AIG1: variants seen among roughly 807,000 people sequenced by gnomAD.
The protein encoded by AIG1 is androgen-induced gene 1 protein.
In AIG1, 23 loss-of-function variants were observed where a neutral mutation model predicts 31.4. The observed-to-expected ratio is 0.73, with a 90% CI of 0.53 to 1.04. AIG1 has a LOEUF of 1.04. AIG1 is among the 50% of genes least tolerant of loss of function. AIG1 has a pLI of 0.00. For synonymous variants in AIG1, 100 were observed against 110.5 expected (o/e 0.90, Z 0.60); for missense variants, 274 against 295.0 (o/e 0.93, Z 0.52).
chr6:143,164,722 G>A (rs550035442), intron 2 of AIG1, among the ~76,000 whole-genome samples: 19 of 152,290 alleles, frequency 1.2e-4, no homozygotes, highest in African/African-American at 4.6e-4. Flanking sequence ...TAGATAGTGG[G>A]TAATGGGATC....
At chr6:143,273,615 C>A (rs889759490) in intron 3 of AIG1, among the ~76,000 whole-genome samples, 1 of 152,164 alleles carries the variant, frequency 6.6e-6, no homozygotes, top group African/African-American at 2.4e-5. Context: ...TTAATGGACT[C>A]ATAGTTCCAC....
intron 4 of AIG1, among the ~76,000 whole-genome samples, chr6:143,305,797 G>A (rs1338454952): frequency 2.2e-4 from 33 of 151,420 alleles, no homozygotes; most frequent in Non-Finnish European, 4.1e-4. Flanking sequence ...TTTCTGTCTC[G>A]TTGATCTGTC....
chr6:143,263,835 T>C (rs1056702772), intron 3 of AIG1, among the ~76,000 whole-genome samples: 2 of 152,236 alleles, frequency 1.3e-5, no homozygotes, highest in South Asian at 2.1e-4. Flanking sequence ...TATTTTAAAT[T>C]ATTTTGCTAC....
In AIG1 at chr6:143,338,056, G is replaced by A. The variant is rs917778812; in HGVS notation, c.680-1583G>A. The A allele has an allele frequency of 2.3e-5, 9 of 398,466 alleles. No individual in the cohort carries two copies. Among genetic ancestry groups the A allele is most frequent in the Non-Finnish European group, 3.5e-5 (8 of 226,100 alleles). The allele number at this position is 398,466 out of a possible 1,614,324, so 24.7% of individuals were successfully genotyped here. ...CCCCCCGTTCTCCACCCGCGCTTTTGAAGATTCCAGCACTGCTGCCAAGTC... is the reference window on the plus strand; with the variant it reads ...CCCCCCGTTCTCCACCCGCGCTTTTAAAGATTCCAGCACTGCTGCCAAGTC... On this transcript the variant is annotated intron_variant, in intron 5 of 5. Transcript: ENST00000357847. The surrounding 1 kb of genome is among the most constrained non-coding windows in gnomAD (Gnocchi z 4.3).
At chr6:143,102,288 C>T (rs1275486209) in intron 1 of AIG1, among the ~76,000 whole-genome samples, 3 of 150,998 alleles carry the variant, frequency 2.0e-5, no homozygotes, top group Non-Finnish European at 4.4e-5. Context: ...TGTTTTCTCA[C>T]AATTAAGTTT....
chr6:143,077,326 C>A lies in AIG1; in HGVS notation c.141+16260C>A, dbSNP rs1380690193. Among the ~76,000 whole-genome samples the A allele has an allele frequency of 3.9e-5, 6 of 152,120 alleles. No individual in the cohort carries two copies. The East Asian group carries it at 1.2e-3, about 29-fold the overall frequency. Reference sequence around the variant, plus strand: ...CTTTAGTTCTTATGTTGATATTTCCCTCTGATATCATTTCCCTTCAGCTTT... The same window carrying A: ...CTTTAGTTCTTATGTTGATATTTCCATCTGATATCATTTCCCTTCAGCTTT... On this transcript the variant is annotated intron_variant, in intron 1 of 5. Transcript: ENST00000357847.
At chr6:143,248,214 T>A (rs1794751624) in intron 3 of AIG1, among the ~76,000 whole-genome samples, 1 of 152,164 alleles carries the variant, frequency 6.6e-6, no homozygotes, top group Admixed American at 6.5e-5. Flanking sequence ...TACATACCAA[T>A]ATCTGCAAGT....
At chr6:143,148,816 C>T (rs1409270154) in intron 2 of AIG1, among the ~76,000 whole-genome samples, 1 of 150,480 alleles carries the variant, frequency 6.6e-6, no homozygotes, top group Admixed American at 6.6e-5. Context: ...ATGACTATGT[C>T]TCCAAAAAAA....
intron 3 of AIG1, among the ~76,000 whole-genome samples, chr6:143,175,814 G>A (rs1303327799): frequency 1.3e-5 from 2 of 152,096 alleles, no homozygotes; most frequent in Non-Finnish European, 2.9e-5. Flanking sequence ...GGCAATTCGG[G>A]GATTTCATCT....
chr6:143,112,383 G>A (rs779014580), intron 1 of AIG1, among the ~76,000 whole-genome samples: 60 of 152,124 alleles, frequency 3.9e-4, no homozygotes, highest in Admixed American at 1.8e-3. Flanking sequence ...ATATTATATT[G>A]CATTATATGT....
At chr6:143,219,411 C>T (rs889710391) in intron 3 of AIG1, among the ~76,000 whole-genome samples, 3 of 152,068 alleles carry the variant, frequency 2.0e-5, no homozygotes, top group African/African-American at 4.8e-5. Context: ...TCGAGGCTGC[C>T]GTGATCTATG....
chr6:143,275,019 G>C (rs764585994), intron 3 of AIG1, among the ~76,000 whole-genome samples: 4 of 152,210 alleles, frequency 2.6e-5, no homozygotes, highest in Admixed American at 6.5e-5. Flanking sequence ...CATAAACACA[G>C]AGGGATGAAA....
At chr6:143,113,310 A>G (rs917588932) in intron 1 of AIG1, among the ~76,000 whole-genome samples, 1 of 152,122 alleles carries the variant, frequency 6.6e-6, no homozygotes, top group Non-Finnish European at 1.5e-5. Context: ...TTAAAAAATT[A>G]TTAAAGATTT....
intron 1 of AIG1, among the ~76,000 whole-genome samples, chr6:143,064,889 G>A (rs1253046699): frequency 6.6e-6 from 1 of 152,160 alleles, no homozygotes; most frequent in Non-Finnish European, 1.5e-5. Flanking sequence ...GGGTGCAGGC[G>A]GACTGAGTCT....
intron 1 of AIG1, among the ~76,000 whole-genome samples, chr6:143,110,698 T>C (rs1412367973): frequency 6.6e-6 from 1 of 152,192 alleles, no homozygotes; most frequent in Non-Finnish European, 1.5e-5. Context: ...CGGAGTTTTT[T>C]TTGGTTGTTG....
chr6:143,150,406 A>G (rs1785103757), intron 2 of AIG1, among the ~76,000 whole-genome samples: 1 of 152,210 alleles, frequency 6.6e-6, no homozygotes, highest in Non-Finnish European at 1.5e-5. Flanking sequence ...ATTGAGTGCT[A>G]AGTGCCAGTC....
rs73594143 is a variant in AIG1, at chr6:143,256,403, T to C, written c.400-27707T>C. ...TTATTTATGTCATATCATAGGCTGG[T>C]TTCTGGGGCTACAACTTTTACTGTA... On this transcript the variant is annotated intron_variant, in intron 3 of 5. Transcript: ENST00000357847. The surrounding 1 kb of genome is among the most constrained non-coding windows in gnomAD (Gnocchi z 4.6). Among the ~76,000 whole-genome samples the C allele has an allele frequency of 0.013, 1,907 of 152,342 alleles. 25 individuals are homozygous for C. The highest frequency in any genetic ancestry group is 0.043 in the African/African-American group (1,803 of 41,582).
chr6:143,144,974 C>T (rs575297477), intron 2 of AIG1, among the ~76,000 whole-genome samples: 5 of 152,222 alleles, frequency 3.3e-5, no homozygotes, highest in African/African-American at 9.6e-5. Flanking sequence ...TCTCACAAGA[C>T]GTGGAGCTTG....
In AIG1 at chr6:143,187,695, C is replaced by T. The variant is rs1789394530; in HGVS notation, c.399+22512C>T. On this transcript the variant is annotated intron_variant, in intron 3 of 5. Coordinates refer to ENST00000357847, the MANE Select transcript of AIG1 (RefSeq NM_016108.4). The stretch of plus-strand genomic sequence containing the variant: ...CCCATCTGACTTTGAAGCAGGCTGC[C>T]TCTCCACAGAAAGCTTGCTCCAGCA... 5 of 1,535,942 alleles carry T rather than the reference C, an allele frequency of 3.3e-6. No homozygotes were observed. In the South Asian group the frequency reaches 4.8e-5, roughly 15 times the overall value.
Sources: gnomAD v4.1 joint callset for allele counts (sites outside exome capture counted in the v4.1 genomes callset) on GRCh38, gnomAD v4.1.1 for gene constraint, Gnocchi (gnomAD v3.1) non-coding constraint, MANE v1.5 for transcripts, NCBI Gene and HGNC (gene_info 2026-07-23, HGNC 2026-07-21) for gene names.